The following TSHZ2 variants were observed in gnomAD, a reference collection of about 807,000 sequenced individuals.
TSHZ2 encodes the protein teashirt homolog 2.
In TSHZ2, 21 loss-of-function variants were observed where a neutral mutation model predicts 74.4. The ratio of observed to expected loss-of-function variants is 0.28; its 90% CI spans 0.20 to 0.41. TSHZ2 has a LOEUF of 0.41. Ranked by LOEUF, TSHZ2 falls within the 10% of genes least tolerant of loss-of-function variation. TSHZ2 has a pLI of 1.00. For synonymous variants in TSHZ2, 540 were observed against 515.3 expected, an observed-to-expected ratio of 1.05 and a Z score of -0.65; for missense variants, 1,244 against 1,293.5, an observed-to-expected ratio of 0.96 and a Z score of 0.59.
intron 1 of TSHZ2, among the ~76,000 whole-genome samples, chr20:53,199,824 G>A (rs944421866): frequency 2.0e-5 from 3 of 152,218 alleles, no homozygotes; most frequent in African/African-American, 7.2e-5. Context: ...AATCATTTTA[G>A]AATTCTGCCC....
intron 2 of TSHZ2, among the ~76,000 whole-genome samples, chr20:53,272,751 G>A (rs558448551): frequency 2.3e-4 from 35 of 152,270 alleles, no homozygotes; most frequent in African/African-American, 7.9e-4. Flanking sequence ...TTTTGCATCC[G>A]GGGTAAGAAA....
At chr20:53,082,520 A>G (rs1463855638) in intron 1 of TSHZ2, among the ~76,000 whole-genome samples, 1 of 152,220 alleles carries the variant, frequency 6.6e-6, no homozygotes, top group East Asian at 1.9e-4. Context: ...GCTTCTTAAG[A>G]GATCTTCATT....
At chr20:53,014,195 CAG>C (rs10539599) in intron 1 of TSHZ2, among the ~76,000 whole-genome samples, 37,821 of 149,586 alleles carry the variant, frequency 0.25, 5,218 homozygotes, top group East Asian at 0.6. Flanking sequence ...CTTCATACGG[CAG>C]AGAGAGAGAG....
At chr20:53,421,681 G>GTTTTTTTTTTTTTTTTTTTTTT (rs34083391) in intron 2 of TSHZ2, 2 of 85,580 alleles carry the variant, frequency 2.3e-5, no homozygotes, top group Non-Finnish European at 2.0e-5. Context: ...TATGTTTTTG[G>GTTTTTTTTTTTTTTTTTTTTTT]TTTTTTTTTT....
In TSHZ2 at chr20:53,124,694, T is replaced by C. The variant is rs548867334; in HGVS notation, c.41-128805T>C. On this transcript the variant is annotated intron_variant, in intron 1 of 2. Coordinates refer to ENST00000371497, the MANE Select transcript of TSHZ2 (RefSeq NM_173485.6). ...GTAGCAGAACCTATACTAAACTCTTTCTTTGCATTTTATCTTCACAACCAT... is the reference window on the plus strand; with the variant it reads ...GTAGCAGAACCTATACTAAACTCTTCCTTTGCATTTTATCTTCACAACCAT... Among the ~76,000 whole-genome samples the C allele has an allele frequency of 7.2e-5, 11 of 152,328 alleles. No individual in the cohort carries two copies. The East Asian group carries it at 1.2e-3, about 16-fold the overall frequency.
intron 2 of TSHZ2, among the ~76,000 whole-genome samples, chr20:53,336,618 C>CTT (rs1568873812): frequency 5.3e-5 from 8 of 152,170 alleles, no homozygotes; most frequent in Admixed American, 5.2e-4. Context: ...CCTCTTTCTG[C>CTT]TCCGTCAGCC....
At chr20:53,043,110 AG>A (rs1253330447) in intron 1 of TSHZ2, among the ~76,000 whole-genome samples, 2 of 152,216 alleles carry the variant, frequency 1.3e-5, no homozygotes, top group East Asian at 3.8e-4. Context: ...AGGGGAAAAA[AG>A]TTAGCATCTA....
In TSHZ2 at chr20:53,272,100, C is replaced by G. The variant is rs139994797; in HGVS notation, c.*8+15529C>G. On this transcript the variant is annotated intron_variant, in intron 2 of 2. Coordinates refer to ENST00000371497, the MANE Select transcript of TSHZ2 (RefSeq NM_173485.6). ...GATTTCGGCTCACTGCAACCTCCAC[C>G]TCCCTGGTTCAAGTGATTCTCCAGC... 8.5e-3 allele frequency among the ~76,000 whole-genome samples: 1,288 copies of G among 152,160 alleles called. 17 individuals carry two copies. Among genetic ancestry groups the G allele is most frequent in the African/African-American group, 0.03 (1,235 of 41,482 alleles).
chr20:53,206,967 C>T (rs1321645737), intron 1 of TSHZ2, among the ~76,000 whole-genome samples: 1 of 152,180 alleles, frequency 6.6e-6, no homozygotes, highest in Non-Finnish European at 1.5e-5. Flanking sequence ...TTTCTTATTA[C>T]TCTTCCACCT....
At chr20:53,348,599 G>A (rs979215848) in intron 2 of TSHZ2, among the ~76,000 whole-genome samples, 2 of 152,096 alleles carry the variant, frequency 1.3e-5, no homozygotes, top group Non-Finnish European at 2.9e-5. Context: ...ATATTGAGCC[G>A]GAAATTTTGG....
Position 53,256,059 on chromosome 20 carries a change from A to G in TSHZ2, c.2601A>G (p.Thr867=), listed in dbSNP as rs770123690. The G allele has an allele frequency of 8.7e-6, 14 of 1,613,894 alleles. No individual in the cohort carries two copies. In the Middle Eastern group the frequency reaches 6.6e-4, roughly 76 times the overall value. The change falls in exon 2 of 3, where the codon ACA becomes ACG. Residue 867 remains threonine, a synonymous_variant. Coordinates refer to ENST00000371497, the MANE Select transcript of TSHZ2 (RefSeq NM_173485.6). The surrounding 1 kb of genome is among the most constrained non-coding windows in gnomAD (Gnocchi z 4.3). ...AGTTTGCCTCGAGCCTCTTCCAGACATCAGAGGGCAAATACCTGCTGTCTG... is the reference window on the plus strand; with the variant it reads ...AGTTTGCCTCGAGCCTCTTCCAGACGTCAGAGGGCAAATACCTGCTGTCTG... ...QAQFASSLFQ[T]SEGKYLLSDL...
At chr20:53,017,838 A>T (rs982757557) in intron 1 of TSHZ2, among the ~76,000 whole-genome samples, 1 of 152,190 alleles carries the variant, frequency 6.6e-6, no homozygotes, top group African/African-American at 2.4e-5. Context: ...AGGACCAATC[A>T]CATTGTATAG....
At chr20:53,426,279 C>T (rs1341437354) in intron 2 of TSHZ2, among the ~76,000 whole-genome samples, 2 of 152,200 alleles carry the variant, frequency 1.3e-5, no homozygotes, top group Non-Finnish European at 2.9e-5. Context: ...ACAAAGCCCT[C>T]AGGTCCTGTG....
At chr20:53,258,116 C>T (rs1169270233) in intron 2 of TSHZ2, among the ~76,000 whole-genome samples, 2 of 152,168 alleles carry the variant, frequency 1.3e-5, no homozygotes, top group African/African-American at 4.8e-5. Context: ...ACTCTAATTG[C>T]TATCTAGACC....
intron 2 of TSHZ2, among the ~76,000 whole-genome samples, chr20:53,473,339 G>C (rs1381617178): frequency 1.4e-5 from 2 of 142,988 alleles, no homozygotes; most frequent in Non-Finnish European, 3.0e-5. Flanking sequence ...CCTCAAGTGG[G>C]TCCCTGACCC....
intron 2 of TSHZ2, among the ~76,000 whole-genome samples, chr20:53,428,541 T>C (rs1445824481): frequency 5.9e-5 from 9 of 152,238 alleles, no homozygotes; most frequent in Admixed American, 5.9e-4. Context: ...TCAATTGTCA[T>C]GAATTGCAGA....
intron 1 of TSHZ2, among the ~76,000 whole-genome samples, chr20:53,147,318 T>C (rs905032605): frequency 2.0e-5 from 3 of 152,202 alleles, no homozygotes; most frequent in Non-Finnish European, 4.4e-5. Context: ...CATCCCCTTT[T>C]CTTTCAGTAG....
chr20:53,380,215 T>C (rs78355349), intron 2 of TSHZ2, among the ~76,000 whole-genome samples: 215 of 152,204 alleles, frequency 1.4e-3, no homozygotes, highest in African/African-American at 4.9e-3. Flanking sequence ...GTAAATTCTT[T>C]CATAACAGTG....
intron 2 of TSHZ2, among the ~76,000 whole-genome samples, chr20:53,367,582 T>A (rs1050143808): frequency 1.3e-5 from 2 of 151,938 alleles, no homozygotes; most frequent in Admixed American, 1.3e-4. Context: ...TTCTTATTCT[T>A]TTTTTTCTTT....
Sources: gnomAD v4.1 joint callset for allele counts (sites outside exome capture counted in the v4.1 genomes callset) on GRCh38, gnomAD v4.1.1 for gene constraint, Gnocchi (gnomAD v3.1) non-coding constraint, MANE v1.5 for transcripts, NCBI Gene and HGNC (gene_info 2026-07-23, HGNC 2026-07-21) for gene names.